The following TRIM2 variants were observed in gnomAD, a reference collection of about 807,000 sequenced individuals.
TRIM2 encodes tripartite motif-containing protein 2.
A neutral mutation model predicts 75.2 loss-of-function variants in TRIM2; 20 were observed. The observed-to-expected ratio is 0.27, with a 90% CI of 0.19 to 0.39. The LOEUF (loss-of-function observed/expected upper bound fraction) is 0.39, where lower values mean the gene tolerates loss of function less well. Among genes scored for constraint, TRIM2 ranks in the 10% least tolerant of loss-of-function variants. The pLI is 1.00. For synonymous variants in TRIM2, 373 were observed against 388.3 expected (o/e 0.96, Z 0.46); for missense variants, 660 against 990.8 (o/e 0.67, Z 4.48).
In TRIM2 at chr4:153,339,095, T is replaced by C. The variant is rs1399974696; in HGVS notation, c.*4129T>C. ...TATATTCTCGTCATTTGTTCTTTTA[T>C]GAATCAAAATGTTGACTGCCTATTT... On this transcript the variant is annotated 3_prime_UTR_variant, in exon 12 of 12. Coordinates refer to ENST00000338700, the MANE Select transcript of TRIM2 (RefSeq NM_015271.5). The C allele has an allele frequency of 2.0e-6, 2 of 985,754 alleles. No homozygotes were observed. Among genetic ancestry groups the C allele is most frequent in the African/African-American group, 1.7e-5 (1 of 57,248 alleles). The allele number at this position is 985,754 out of a possible 1,614,324, so 61.1% of individuals were successfully genotyped here.
chr4:153,307,653 A>G (rs1286722011), intron 6 of TRIM2: 1 of 454,616 alleles, frequency 2.2e-6, no homozygotes, highest in African/African-American at 2.0e-5. Flanking sequence ...TGCTAACGTC[A>G]TCCTCACAGG....
intron 3 of TRIM2, among the ~76,000 whole-genome samples, chr4:153,281,019 A>G (rs1305566114): frequency 6.6e-6 from 1 of 152,246 alleles, no homozygotes; most frequent in Non-Finnish European, 1.5e-5. Flanking sequence ...CTTACAAATT[A>G]AGAAAAATAT....
chr4:153,272,177 C>T (rs1000906857), intron 2 of TRIM2, among the ~76,000 whole-genome samples: 24 of 152,154 alleles, frequency 1.6e-4, no homozygotes, highest in African/African-American at 5.3e-4. Context: ...GAGATGGAGT[C>T]GCACTCTGTT....
chr4:153,196,192 G>A (rs1733744007), intron 1 of TRIM2, among the ~76,000 whole-genome samples: 1 of 152,190 alleles, frequency 6.6e-6, no homozygotes, highest in South Asian at 2.1e-4. Flanking sequence ...TCGGGAGGCT[G>A]AGCAGAAGGA....
Position 153,295,522 on chromosome 4 carries a change from C to T in TRIM2, c.996C>T (p.Thr332=), listed in dbSNP as rs776346792. The part of the protein sequence containing the change: ...ENDQLDFIVE[T]EGLKKSIHNL... ...ACCAGCTGGATTTCATCGTGGAAAC[C>T]GAGGGGCTGAAGAAGTCCATCCACA... Residue 332 remains threonine, a synonymous_variant, in exon 6 of 12, where the codon ACC becomes ACT. Transcript: ENST00000338700. The surrounding 1 kb of genome is among the most constrained non-coding windows in gnomAD (Gnocchi z 7.2). 8 of 1,613,478 alleles carry T rather than the reference C, an allele frequency of 5.0e-6. No homozygotes were observed. Among genetic ancestry groups the T allele is most frequent in the East Asian group, 2.2e-5 (1 of 44,856 alleles).
At chr4:153,244,378 C>T (rs1560874632) in intron 1 of TRIM2, among the ~76,000 whole-genome samples, 1 of 63,736 alleles carries the variant, frequency 1.6e-5, no homozygotes, top group African/African-American at 1.2e-4. Context: ...TCTTCTTCTT[C>T]TTCTTCTTCT....
At chr4:153,234,203 A>G in intron 1 of TRIM2, among the ~76,000 whole-genome samples, 1 of 152,282 alleles carries the variant, frequency 6.6e-6, no homozygotes, top group Non-Finnish European at 1.5e-5. Flanking sequence ...AATTCTCATC[A>G]TTTTATGCTC....
At chr4:153,232,302 C>A (rs962616218) in intron 1 of TRIM2, among the ~76,000 whole-genome samples, 2 of 152,062 alleles carry the variant, frequency 1.3e-5, no homozygotes, top group African/African-American at 4.8e-5. Flanking sequence ...GGATCGAGAC[C>A]AGCCTGGCCA....
chr4:153,284,300 G>A (rs1304101626), intron 3 of TRIM2, among the ~76,000 whole-genome samples: 3 of 150,930 alleles, frequency 2.0e-5, no homozygotes, highest in South Asian at 4.2e-4. Flanking sequence ...TCCTGGGTTC[G>A]AGTGATTCTC....
At chr4:153,181,530 T>C (rs541613507) in intron 1 of TRIM2, among the ~76,000 whole-genome samples, 22 of 152,200 alleles carry the variant, frequency 1.4e-4, no homozygotes, top group Admixed American at 2.6e-4. Flanking sequence ...TTCTAGGCCA[T>C]GAGAGGCTCA....
At chr4:153,315,769 C>T (rs1034011190) in intron 7 of TRIM2, 63 bp from the exon 8 acceptor site, 2 of 1,586,728 alleles carry the variant, frequency 1.3e-6, no homozygotes, top group Admixed American at 1.7e-5. Context: ...ATGTTTCTGC[C>T]TATGCCTTCC....
chr4:153,299,384 C>T (rs892400910), intron 6 of TRIM2, among the ~76,000 whole-genome samples: 5 of 151,994 alleles, frequency 3.3e-5, no homozygotes, highest in Non-Finnish European at 5.9e-5. Flanking sequence ...CAGTGAAAGA[C>T]TGTGTATATA....
At chr4:153,326,921 G>A (rs376763561) in intron 10 of TRIM2, among the ~76,000 whole-genome samples, 16 of 150,410 alleles carry the variant, frequency 1.1e-4, no homozygotes, top group South Asian at 6.3e-4. Flanking sequence ...TGGAGGTTGC[G>A]GTGAGCCAAG....
chr4:153,260,674 A>ACC (rs1753182683), intron 1 of TRIM2, among the ~76,000 whole-genome samples: 1 of 74,128 alleles, frequency 1.3e-5, no homozygotes, highest in Non-Finnish European at 2.8e-5. Context: ...AAACACACAC[A>ACC]CCCACCCACA....
intron 1 of TRIM2, among the ~76,000 whole-genome samples, chr4:153,244,967 T>C (rs1748728396): frequency 6.6e-6 from 1 of 152,208 alleles, no homozygotes; most frequent in Non-Finnish European, 1.5e-5. Flanking sequence ...TCCCTCATTT[T>C]CCCCAGCTTT....
At chr4:153,171,966 A>G (rs1730916632) in intron 1 of TRIM2, among the ~76,000 whole-genome samples, 1 of 151,768 alleles carries the variant, frequency 6.6e-6, no homozygotes, top group South Asian at 2.1e-4. Context: ...TATACCTAAT[A>G]TTAACAATAA....
rs1772776851 is a variant in TRIM2 at position 153,338,952 on chromosome 4, G to A, written c.*3986G>A. The A allele has an allele frequency of 1.5e-5, 14 of 963,418 alleles. No individual in the cohort carries two copies. The South Asian group carries it at 5.9e-4, about 41-fold the overall frequency. 59.7% of individuals were successfully genotyped at this position (963,418 alleles called of 1,614,324 possible). A position where few individuals can be genotyped will look rare whatever the true frequency, so the allele number is the denominator to read the frequency against. ...TCAAGCCTATGTATGAATATGAAGGGGTTTTTTTTTTTTGCTTTGTTTTCT... is the reference window on the plus strand; with the variant it reads ...TCAAGCCTATGTATGAATATGAAGGAGTTTTTTTTTTTTGCTTTGTTTTCT... On this transcript the variant is annotated 3_prime_UTR_variant, in exon 12 of 12. Coordinates refer to ENST00000338700, the MANE Select transcript of TRIM2 (RefSeq NM_015271.5).
Position 153,294,374 on chromosome 4 carries a change from C to A in TRIM2, c.675C>A (p.Ala225=). The change falls in exon 5 of 12, where the codon GCC becomes GCA. Residue 225 remains alanine, a synonymous_variant. Coordinates refer to ENST00000338700, the MANE Select transcript of TRIM2 (RefSeq NM_015271.5). ...TTCATCAGTTAACCAACCAAAAGGC[C>A]AGCATCGTGGATGACATTCATTCCA... The part of the protein sequence containing the change: ...EIIHQLTNQK[A]SIVDDIHSTF... The A allele has an allele frequency of 6.2e-7, 1 of 1,614,168 alleles. No homozygotes were observed. The highest frequency in any genetic ancestry group is 8.5e-7 in the Non-Finnish European group (1 of 1,180,030).
chr4:153,230,381 C>T lies in TRIM2; in HGVS notation c.30+25821C>T, dbSNP rs1017758527. The stretch of plus-strand genomic sequence containing the variant: ...TATTTTTTGCAGGACAGGGTTTTGA[C>T]ATGCTGTCCAGGCTGGTCTCCAACT... On this transcript the variant is annotated intron_variant, in intron 1 of 11. Transcript: ENST00000338700. Among the ~76,000 whole-genome samples, 8 of 152,240 alleles carry T rather than the reference C, an allele frequency of 5.3e-5. No homozygotes were observed. In the East Asian group the frequency reaches 5.8e-4, roughly 11 times the overall value.
Sources: allele counts gnomAD v4.1 joint callset (sites outside exome capture counted in the v4.1 genomes callset), GRCh38; gene constraint gnomAD v4.1.1; non-coding constraint Gnocchi (gnomAD v3.1); transcripts MANE v1.5; gene names NCBI Gene and HGNC (gene_info 2026-07-23, HGNC 2026-07-21).